Variants in TUSC3 observed in about 807,000 individuals in gnomAD.
TUSC3 encodes tumor suppressor candidate 3.
Under a neutral mutation model 44.8 loss-of-function variants are expected in TUSC3, and 45 were observed. The observed-to-expected ratio is 1.00, with a 90% CI of 0.79 to 1.29. The LOEUF is 1.29. Ranked by LOEUF, TUSC3 falls within the 50% of genes most tolerant of loss-of-function variation. The pLI, the probability that TUSC3 is intolerant of heterozygous loss-of-function variation, is 0.00. For missense variants in TUSC3, 519 were observed against 437.9 expected (o/e 1.19, Z -1.65); for synonymous variants, 212 against 152.9 (o/e 1.39, Z -2.85).
chr8:15,425,961 A>C (rs1366674196), intron 1 of TUSC3, among the ~76,000 whole-genome samples: 2 of 152,224 alleles, frequency 1.3e-5, no homozygotes, highest in African/African-American at 4.8e-5. Context: ...GGCTGCAGTG[A>C]GCCATTATTG....
At chr8:15,850,063 A>T in the TUSC3 span, among the ~76,000 whole-genome samples, 1 of 151,142 alleles carries the variant, frequency 6.6e-6, no homozygotes, top group Non-Finnish European at 1.5e-5. Flanking sequence ...ATCTTGGTCC[A>T]ATTGTAGCTC....
chr8:15,662,156 A>G lies in TUSC3; in HGVS notation c.568A>G (p.Ile190Val), dbSNP rs2129179996. 1 of 1,612,532 alleles carries G rather than the reference A, an allele frequency of 6.2e-7. No individual in the cohort carries two copies. Among genetic ancestry groups the G allele is most frequent in the Non-Finnish European group, 8.5e-7 (1 of 1,178,984 alleles). The change falls in exon 5 of 11, where the codon ATT becomes GTT. Residue 190 changes from isoleucine to valine, a missense_variant and splice_region_variant. Ile to Val is a conservative substitution (Grantham distance 29). Coordinates refer to ENST00000503731, the MANE Select transcript of TUSC3 (RefSeq NM_006765.4). ...KWIADRTDVH[I>V]RVFRPPNYSG... ...TGAAATTTCTATTGCATTTTTGCAG[A>G]TTCGGGTTTTCAGACCACCCAACTA...
intron 4 of TUSC3, 47 bp from the exon 5 acceptor site, chr8:15,662,109 A>G: frequency 1.3e-6 from 2 of 1,595,398 alleles, no homozygotes; most frequent in South Asian, 2.2e-5. Context: ...TCAAAAGAAA[A>G]ATTTTATTTT....
chr8:15,788,406 G>T, the TUSC3 span, among the ~76,000 whole-genome samples: 4 of 152,046 alleles, frequency 2.6e-5, no homozygotes, highest in African/African-American at 9.7e-5. Flanking sequence ...AATTAGCCGG[G>T]CTTGGTGGCA....
chr8:15,576,295 T>A (rs1436451965), intron 1 of TUSC3, among the ~76,000 whole-genome samples: 3 of 148,088 alleles, frequency 2.0e-5, no homozygotes, highest in African/African-American at 7.3e-5. Flanking sequence ...TTTTTTTATT[T>A]TTTTATTTTT....
At chr8:15,550,065 G>A (rs1247928478) in intron 1 of TUSC3, among the ~76,000 whole-genome samples, 1 of 151,670 alleles carries the variant, frequency 6.6e-6, no homozygotes, top group African/African-American at 2.4e-5. Flanking sequence ...GCTCACACCT[G>A]CACCAGTAAT....
chr8:15,598,498 G>T (rs1033377201), intron 1 of TUSC3, among the ~76,000 whole-genome samples: 4 of 151,658 alleles, frequency 2.6e-5, no homozygotes, highest in African/African-American at 7.3e-5. Context: ...TTGTATTAGG[G>T]TTCATTCTTG....
chr8:15,734,101 C>A (rs1274862495), intron 7 of TUSC3, among the ~76,000 whole-genome samples: 5 of 152,184 alleles, frequency 3.3e-5, no homozygotes, highest in African/African-American at 4.8e-5. Flanking sequence ...CAGTCTACTG[C>A]TACTTTTTGA....
intron 1 of TUSC3, among the ~76,000 whole-genome samples, chr8:15,602,763 T>C (rs975114084): frequency 9.2e-5 from 14 of 151,392 alleles, no homozygotes; most frequent in African/African-American, 2.9e-4. Context: ...GAACCTAATA[T>C]GTAGTATGAG....
intron 2 of TUSC3, among the ~76,000 whole-genome samples, chr8:15,507,344 A>C (rs942464823): frequency 6.6e-6 from 1 of 152,182 alleles, no homozygotes; most frequent in Non-Finnish European, 1.5e-5. Context: ...TTTTTCAGCT[A>C]TCTCTCATAT....
At chr8:15,841,641 G>A in the TUSC3 span, among the ~76,000 whole-genome samples, 2 of 152,044 alleles carry the variant, frequency 1.3e-5, no homozygotes, top group Non-Finnish European at 2.9e-5. Flanking sequence ...AGTGTCCTGA[G>A]TAGCTAGGAT....
intron 1 of TUSC3, among the ~76,000 whole-genome samples, chr8:15,548,648 TTCC>T (rs1211464651): frequency 6.6e-6 from 1 of 151,876 alleles, no homozygotes; most frequent in African/African-American, 2.4e-5. Flanking sequence ...GTTAATAACC[TTCC>T]TTATTGTTTA....
intron 7 of TUSC3, among the ~76,000 whole-genome samples, chr8:15,739,307 C>G (rs952726888): frequency 1.3e-5 from 2 of 151,626 alleles, no homozygotes; most frequent in African/African-American, 4.9e-5. Context: ...TATGTTTTGC[C>G]TTATTTATTT....
chr8:15,617,225 C>T (rs190302402), intron 1 of TUSC3, among the ~76,000 whole-genome samples: 147 of 149,724 alleles, frequency 9.8e-4, no homozygotes, highest in African/African-American at 3.5e-3. Context: ...CTGCAAGCTC[C>T]GCCTCCCAGG....
intron 2 of TUSC3, among the ~76,000 whole-genome samples, chr8:15,493,113 T>C (rs1239755919): frequency 3.9e-5 from 6 of 152,200 alleles, no homozygotes; most frequent in Non-Finnish European, 5.9e-5. Context: ...GCAAGGTAGA[T>C]ATTATTAACA....
intron 6 of TUSC3, among the ~76,000 whole-genome samples, chr8:15,730,372 A>G (rs1810668046): frequency 6.6e-6 from 1 of 152,152 alleles, no homozygotes; most frequent in Admixed American, 6.6e-5. Context: ...CAATACCTCT[A>G]CAGGAATCAT....
intron 1 of TUSC3, among the ~76,000 whole-genome samples, chr8:15,469,368 G>A (rs1284342360): frequency 2.0e-5 from 3 of 151,974 alleles, no homozygotes; most frequent in African/African-American, 4.8e-5. Flanking sequence ...ACACATCACC[G>A]AAGATATACA....
intron 9 of TUSC3, among the ~76,000 whole-genome samples, chr8:15,751,825 C>T (rs1288894130): frequency 6.6e-6 from 1 of 152,164 alleles, no homozygotes; most frequent in African/African-American, 2.4e-5. Flanking sequence ...CTTATTCCTA[C>T]ACCATGCACA....
the TUSC3 span, among the ~76,000 whole-genome samples, chr8:15,781,099 G>A: frequency 6.6e-6 from 1 of 152,164 alleles, no homozygotes; most frequent in African/African-American, 2.4e-5. Flanking sequence ...CTTCCTGAGT[G>A]TTCTTTCCCA....
Sources: allele counts gnomAD v4.1 joint callset (sites outside exome capture counted in the v4.1 genomes callset), GRCh38; gene constraint gnomAD v4.1.1; transcripts MANE v1.5; gene names NCBI Gene and HGNC (gene_info 2026-07-23, HGNC 2026-07-21).